PLPPR4: variants seen among roughly 807,000 people sequenced by gnomAD.
The protein encoded by PLPPR4 is phospholipid phosphatase-related protein type 4.
Under a neutral mutation model 56.6 loss-of-function variants are expected in PLPPR4, and 24 were observed. That is an observed-to-expected ratio of 0.42 (90% CI 0.31 to 0.60). PLPPR4 has a LOEUF of 0.60. Ranked by LOEUF, PLPPR4 falls within the 20% of genes least tolerant of loss-of-function variation. The probability of loss-of-function intolerance (pLI) is 0.13; values close to 1 mark genes in which losing one functional copy is unlikely to be tolerated. For synonymous variants in PLPPR4, 326 were observed against 328.1 expected (o/e 0.99, Z 0.07); for missense variants, 654 against 885.8 (o/e 0.74, Z 3.32).
At chr1:99,285,402 G>C (rs1659439128) in intron 1 of PLPPR4, among the ~76,000 whole-genome samples, 1 of 152,108 alleles carries the variant, frequency 6.6e-6, no homozygotes, top group Non-Finnish European at 1.5e-5. Flanking sequence ...TCAATAATGT[G>C]CATGCACCAC....
Position 99,306,562 on chromosome 1 carries a change from A to G in PLPPR4, c.1700A>G (p.His567Arg), listed in dbSNP as rs1428201788. 5 of 1,613,988 alleles carry G rather than the reference A, an allele frequency of 3.1e-6. No homozygotes were observed. The South Asian group carries it at 4.4e-5, about 14-fold the overall frequency. The change falls in exon 7 of 7, where the codon CAT (histidine) becomes CGT (arginine). Residue 567 changes from histidine (H) to arginine (R), a missense_variant. This residue lies in a region of PLPPR4 where 468 missense variants were observed against 554.3 expected (regional missense o/e 0.84). Transcript: ENST00000370185. This position sits in a 1 kb window ranked among gnomAD's most constrained non-coding sequence, Gnocchi z 4.0. ...GSIRYKTLTD[H>R]EPSGIVRVEA... ...ATCCGCTATAAAACCTTGACAGACCATGAGCCCAGTGGGATAGTGAGGGTT... is the reference window on the plus strand; with the variant it reads ...ATCCGCTATAAAACCTTGACAGACCGTGAGCCCAGTGGGATAGTGAGGGTT...
At chr1:99,295,844 C>T (rs1659726866) in intron 2 of PLPPR4, among the ~76,000 whole-genome samples, 1 of 152,116 alleles carries the variant, frequency 6.6e-6, no homozygotes, top group Non-Finnish European at 1.5e-5. Flanking sequence ...TCAGAGGGCC[C>T]TAGTCTAGTG....
At chr1:99,286,150 A>G (rs1000644348) in intron 1 of PLPPR4, among the ~76,000 whole-genome samples, 3 of 152,220 alleles carry the variant, frequency 2.0e-5, no homozygotes, top group African/African-American at 7.2e-5. Context: ...TAAACAATGA[A>G]TAACTTTTAG....
chr1:99,269,427 T>C (rs1425123720), intron 1 of PLPPR4, among the ~76,000 whole-genome samples: 1 of 152,260 alleles, frequency 6.6e-6, no homozygotes, highest in East Asian at 1.9e-4. Flanking sequence ...TTATAATTAT[T>C]TGGGCATAGC....
intron 2 of PLPPR4, among the ~76,000 whole-genome samples, chr1:99,291,511 A>G (rs1659619809): frequency 6.6e-6 from 1 of 152,256 alleles, no homozygotes. Context: ...AATAGCAAAG[A>G]CATGGAATCA....
chr1:99,287,252 G>A (rs1047422513), intron 1 of PLPPR4, among the ~76,000 whole-genome samples: 2 of 151,366 alleles, frequency 1.3e-5, no homozygotes, highest in Non-Finnish European at 2.9e-5. Context: ...ATTCCATGGT[G>A]TATATATATA....
rs1377985204 is a variant in PLPPR4 at position 99,296,862 on chromosome 1, T to C, written c.389T>C (p.Phe130Ser). The part of the protein sequence containing the change: ...FNSFLRRAVR[F>S]VGVHVFGLCS... ...TCCTTCCTCAGACGAGCTGTCAGAT[T>C]CGTTGGTGGGTGTGGGGAACCACAA... The change falls in exon 3 of 7, where the codon TTC becomes TCC. Residue 130 changes from phenylalanine to serine, a missense_variant. Physicochemically the swap from Phe to Ser is radical, Grantham distance 155. Around this residue, in one of 2 missense-constraint regions of PLPPR4, gnomAD observed 186 missense variants for 331.4 expected, o/e 0.56. Transcript: ENST00000370185. 6.3e-7 allele frequency: 1 copy of C among 1,581,566 alleles called. No homozygotes were observed. The highest frequency in any genetic ancestry group is 1.3e-5 in the African/African-American group (1 of 74,298).
intron 1 of PLPPR4, among the ~76,000 whole-genome samples, chr1:99,274,626 G>A (rs146111471): frequency 6.8e-4 from 104 of 152,154 alleles, no homozygotes; most frequent in African/African-American, 2.1e-3. Context: ...TATAGATAGA[G>A]GGACATATGC....
intron 1 of PLPPR4, among the ~76,000 whole-genome samples, chr1:99,278,395 A>G (rs1008653246): frequency 6.6e-6 from 1 of 152,174 alleles, no homozygotes; most frequent in Non-Finnish European, 1.5e-5. Context: ...ATTCAAACAT[A>G]TAAAGTACTT....
chr1:99,305,168 C>T (rs1197928325), intron 6 of PLPPR4, among the ~76,000 whole-genome samples: 2 of 152,004 alleles, frequency 1.3e-5, no homozygotes, highest in Non-Finnish European at 2.9e-5. Context: ...GTAGTCAGTG[C>T]GAGTCGTAAT....
chr1:99,295,635 A>T (rs1358579391), intron 2 of PLPPR4, among the ~76,000 whole-genome samples: 1 of 152,204 alleles, frequency 6.6e-6, no homozygotes, highest in African/African-American at 2.4e-5. Context: ...ATTATCTCAA[A>T]TATTTGAAAG....
At chr1:99,288,184 C>T (rs964673966) in intron 2 of PLPPR4, 34 bp downstream of exon 2, 16 of 1,580,706 alleles carry the variant, frequency 1.0e-5, no homozygotes, top group Non-Finnish European at 1.4e-5. Flanking sequence ...GTTTATCTGT[C>T]CTGGAAAACT....
intron 5 of PLPPR4, 113 bp downstream of exon 5, chr1:99,301,079 AT>A: frequency 1.1e-6 from 1 of 887,398 alleles, no homozygotes; most frequent in Non-Finnish European, 1.8e-6. Flanking sequence ...AGAATGGTAA[AT>A]TTAGCACTGC....
chr1:99,278,767 A>G (rs1002452740), intron 1 of PLPPR4, among the ~76,000 whole-genome samples: 1 of 152,184 alleles, frequency 6.6e-6, no homozygotes, highest in Non-Finnish European at 1.5e-5. Flanking sequence ...TTACTGTTAC[A>G]TCAGTGTGAT....
chr1:99,280,098 AC>A (rs1323589288), intron 1 of PLPPR4, among the ~76,000 whole-genome samples: 2 of 151,700 alleles, frequency 1.3e-5, no homozygotes, highest in African/African-American at 4.8e-5. Flanking sequence ...TTCCCCTAGG[AC>A]CCCCTCTCCC....
chr1:99,276,008 C>G (rs1415885779), intron 1 of PLPPR4, among the ~76,000 whole-genome samples: 1 of 152,138 alleles, frequency 6.6e-6, no homozygotes, highest in Non-Finnish European at 1.5e-5. Context: ...CTTTAATTAA[C>G]TTAATCACAG....
intron 1 of PLPPR4, among the ~76,000 whole-genome samples, chr1:99,266,884 C>G (rs531509634): frequency 6.6e-6 from 1 of 152,338 alleles, no homozygotes; most frequent in South Asian, 2.1e-4. Flanking sequence ...CATTTTGAAG[C>G]TGGTGAGAAT....
At chr1:99,272,215 C>A (rs187721206) in intron 1 of PLPPR4, among the ~76,000 whole-genome samples, 10 of 151,862 alleles carry the variant, frequency 6.6e-5, no homozygotes, top group Admixed American at 5.9e-4. Flanking sequence ...TAAAATTATG[C>A]GATCCAAGAA....
At chr1:99,275,502 C>T (rs929528089) in intron 1 of PLPPR4, among the ~76,000 whole-genome samples, 1 of 152,170 alleles carries the variant, frequency 6.6e-6, no homozygotes, top group African/African-American at 2.4e-5. Flanking sequence ...CAGACAGTCT[C>T]TCAATAAATC....
Sources: allele counts gnomAD v4.1 joint callset (sites outside exome capture counted in the v4.1 genomes callset), GRCh38; gene constraint gnomAD v4.1.1; regional missense constraint gnomAD v4.1.1; non-coding constraint Gnocchi (gnomAD v3.1); transcripts MANE v1.5; gene names NCBI Gene and HGNC (gene_info 2026-07-23, HGNC 2026-07-21).